CUBN: variants seen among roughly 807,000 people sequenced by gnomAD.
The protein encoded by CUBN is 460 kDa receptor.
In CUBN, 282 loss-of-function variants were observed where a neutral mutation model predicts 405.3. The ratio of observed to expected loss-of-function variants is 0.70; its 90% CI spans 0.63 to 0.77. CUBN has a LOEUF of 0.77. Among genes scored for constraint, CUBN ranks in the 30% least tolerant of loss-of-function variants. CUBN has a pLI of 0.00. For synonymous variants in CUBN, 1,684 were observed against 1,617.0 expected (o/e 1.04, Z -0.99); for missense variants, 4,514 against 4,475.2 (o/e 1.01, Z -0.25).
At chr10:16,847,776 C>T (rs1375951866) in intron 60 of CUBN, among the ~76,000 whole-genome samples, 1 of 152,192 alleles carries the variant, frequency 6.6e-6, no homozygotes, top group Non-Finnish European at 1.5e-5. Context: ...AACCCTTTCA[C>T]AAACGATCAT....
At position 16,885,006 on chromosome 10, in the gene CUBN, T is replaced by A. The variant is rs567685985; in HGVS notation, c.8905+3411A>T. On this transcript the variant is annotated intron_variant, in intron 56 of 66. Coordinates refer to ENST00000377833, the MANE Select transcript of CUBN (RefSeq NM_001081.4). ...AAGGCCAAGGCTCCCTCAATAAAGC[T>A]ATGACCTTCCTTCAGAGCAATCCTC... Among the ~76,000 whole-genome samples the A allele has an allele frequency of 3.7e-4, 57 of 152,272 alleles. 1 individual carries two copies. The South Asian group carries it at 0.012, about 32-fold the overall frequency.
intron 31 of CUBN, among the ~76,000 whole-genome samples, chr10:16,981,695 G>A (rs552555167): frequency 3.9e-5 from 6 of 152,232 alleles, no homozygotes; most frequent in East Asian, 3.9e-4. Flanking sequence ...TCTAGGGTTC[G>A]TTCACCCCGG....
At chr10:17,067,263 T>A (rs1176088257) in intron 21 of CUBN, among the ~76,000 whole-genome samples, 2 of 152,112 alleles carry the variant, frequency 1.3e-5, no homozygotes, top group Non-Finnish European at 2.9e-5. Flanking sequence ...ATCTCACAGA[T>A]TTTTTAAGCT....
At chr10:16,879,794 T>C (rs1292564295) in intron 56 of CUBN, among the ~76,000 whole-genome samples, 1 of 152,170 alleles carries the variant, frequency 6.6e-6, no homozygotes, top group Admixed American at 6.5e-5. Context: ...ATCGTATAAA[T>C]ACTCCCACGA....
chr10:17,097,054 C>G (rs1448399131), intron 14 of CUBN, among the ~76,000 whole-genome samples: 1 of 151,820 alleles, frequency 6.6e-6, no homozygotes, highest in Admixed American at 6.6e-5. Context: ...GTTAAAGTAA[C>G]CATACATTAG....
intron 6 of CUBN, 117 bp downstream of exon 6, chr10:17,122,678 A>G (rs1312550000): frequency 1.8e-5 from 13 of 713,156 alleles, no homozygotes; most frequent in Middle Eastern, 2.4e-4. Flanking sequence ...ATATTTCCTC[A>G]TGGAGTACCA....
intron 31 of CUBN, among the ~76,000 whole-genome samples, chr10:16,981,669 T>G (rs1512702): frequency 0.73 from 111,305 of 151,778 alleles, 43,640 homozygotes; most frequent in Non-Finnish European, 0.89. Context: ...CCACCAGAGA[T>G]GAGGGACCAG....
At chr10:16,848,171 T>A (rs1839575757) in intron 60 of CUBN, among the ~76,000 whole-genome samples, 1 of 152,208 alleles carries the variant, frequency 6.6e-6, no homozygotes, top group South Asian at 2.1e-4. Flanking sequence ...ATTGCGGAAA[T>A]TCAGACAATG....
At chr10:16,831,865 C>T (rs540005242) in intron 64 of CUBN, among the ~76,000 whole-genome samples, 65 of 151,932 alleles carry the variant, frequency 4.3e-4, no homozygotes, top group African/African-American at 1.5e-3. Context: ...TGTGTGTGCA[C>T]GTGTTTCCCA....
In CUBN at chr10:16,952,257, T is replaced by G. The variant is rs894159433; in HGVS notation, c.4969+19A>C. The G allele has an allele frequency of 1.9e-6, 3 of 1,578,432 alleles. No individual in the cohort carries two copies. In the African/African-American group the frequency reaches 4.0e-5, roughly 21 times the overall value. ...CCTTCTCTCCTGTGTGCCTTTTCTT[T>G]TTCATTTTTGTTACTTACATGGAGG... On this transcript the variant is annotated intron_variant, in intron 33 of 66. Transcript: ENST00000377833.
intron 28 of CUBN, among the ~76,000 whole-genome samples, chr10:17,007,573 C>G (rs942567613): frequency 4.6e-5 from 7 of 151,794 alleles, no homozygotes; most frequent in African/African-American, 1.7e-4. Context: ...AGTTTGAACT[C>G]TCTGCTTGGT....
At chr10:16,942,873 G>GGGAA (rs1564438010) in intron 36 of CUBN, among the ~76,000 whole-genome samples, 1 of 148,206 alleles carries the variant, frequency 6.7e-6, no homozygotes, top group African/African-American at 2.5e-5. Context: ...AGGAAGGGAA[G>GGGAA]GGAAGGGAGG....
Position 16,915,840 on chromosome 10 carries a change from G to C in CUBN, c.7191C>G (p.Ile2397Met). Residue 2397 changes from isoleucine (I) to methionine (M), a missense_variant, in exon 46 of 67, where the codon ATC becomes ATG. Ile to Met is a conservative substitution (Grantham distance 10). Transcript: ENST00000377833. ...ACTAACCAGAGGTATGATTGTCCCAGATCTCCACGAAGTCTTTTTCACAGC... is the reference window on the plus strand; with the variant it reads ...ACTAACCAGAGGTATGATTGTCCCACATCTCCACGAAGTCTTTTTCACAGC... ...SSGCEKDFVE[I>M]WDNHTSGNIL... The C allele has an allele frequency of 6.2e-7, 1 of 1,613,230 alleles. No individual in the cohort carries two copies. Among genetic ancestry groups the C allele is most frequent in the South Asian group, 1.1e-5 (1 of 91,056 alleles).
chr10:17,096,674 G>A (rs1836381336), intron 14 of CUBN, among the ~76,000 whole-genome samples: 1 of 151,908 alleles, frequency 6.6e-6, no homozygotes, highest in African/African-American at 2.4e-5. Context: ...TATAGGTAGA[G>A]GACTACATCT....
chr10:16,831,150 G>T, intron 65 of CUBN, 102 bp downstream of exon 65: 2 of 979,606 alleles, frequency 2.0e-6, no homozygotes, highest in Non-Finnish European at 1.6e-6. Context: ...AAACTAATCA[G>T]GTACACAGGT....
intron 31 of CUBN, among the ~76,000 whole-genome samples, chr10:16,972,953 T>C (rs562102048): frequency 2.6e-5 from 4 of 152,296 alleles, no homozygotes; most frequent in Non-Finnish European, 5.9e-5. Context: ...CATCTTTCTT[T>C]TTCTCTGCCA....
intron 40 of CUBN, among the ~76,000 whole-genome samples, chr10:16,929,559 T>C (rs1224737077): frequency 1.3e-5 from 2 of 152,258 alleles, no homozygotes; most frequent in Admixed American, 6.5e-5. Flanking sequence ...CTTTAGAAAA[T>C]AAGTTATTTT....
chr10:17,085,488 G>T, intron 16 of CUBN, 109 bp downstream of exon 16: 2 of 1,099,142 alleles, frequency 1.8e-6, no homozygotes, highest in Non-Finnish European at 2.8e-6. Context: ...AAATGTTCTT[G>T]GTCTAAGACA....
chr10:16,962,660 T>C (rs891304232), intron 31 of CUBN, among the ~76,000 whole-genome samples: 4 of 152,204 alleles, frequency 2.6e-5, no homozygotes, highest in Non-Finnish European at 4.4e-5. Context: ...TTCTGTCTTG[T>C]TGGACTCTCT....
Sources: gnomAD v4.1 joint callset for allele counts (sites outside exome capture counted in the v4.1 genomes callset) on GRCh38, gnomAD v4.1.1 for gene constraint, MANE v1.5 for transcripts, NCBI Gene and HGNC (gene_info 2026-07-23, HGNC 2026-07-21) for gene names.